ITPR2: variants seen among roughly 807,000 people sequenced by gnomAD.
The protein encoded by ITPR2 is inositol 1,4,5-trisphosphate-gated calcium channel ITPR2.
ITPR2 carries 207 observed loss-of-function variants against 317.1 expected under a neutral mutation model. That is an observed-to-expected ratio of 0.65 (90% CI 0.58 to 0.73). ITPR2 has a LOEUF of 0.73. Among genes scored for constraint, ITPR2 ranks in the 30% least tolerant of loss-of-function variants. The pLI is 0.00. For missense variants in ITPR2, 2,613 were observed against 3,284.0 expected (o/e 0.80, Z 4.99); for synonymous variants, 1,156 against 1,149.1 (o/e 1.01, Z -0.12).
intron 37 of ITPR2, among the ~76,000 whole-genome samples, chr12:26,513,910 C>T (rs1943424603): frequency 2.0e-5 from 3 of 151,676 alleles, no homozygotes; most frequent in African/African-American, 4.8e-5. Context: ...TGATCTCTAA[C>T]ATCCACTTGT....
intron 2 of ITPR2, among the ~76,000 whole-genome samples, chr12:26,780,064 A>C (rs997774251): frequency 2.0e-5 from 3 of 152,162 alleles, no homozygotes; most frequent in Admixed American, 2.0e-4. Flanking sequence ...TTCCCCAGCC[A>C]CCGCTGTCAT....
chr12:26,603,726 G>A (rs1484241467), intron 26 of ITPR2, among the ~76,000 whole-genome samples: 1 of 152,202 alleles, frequency 6.6e-6, no homozygotes, highest in Non-Finnish European at 1.5e-5. Context: ...TGTCTACTTA[G>A]GCATAAAGGA....
chr12:26,828,612 G>C (rs1799303153), intron 1 of ITPR2, among the ~76,000 whole-genome samples: 1 of 152,126 alleles, frequency 6.6e-6, no homozygotes, highest in Non-Finnish European at 1.5e-5. Flanking sequence ...CCTTAATTAA[G>C]CCATTATGAA....
chr12:26,747,036 CA>C (rs1949336970), intron 2 of ITPR2, among the ~76,000 whole-genome samples: 1 of 152,120 alleles, frequency 6.6e-6, no homozygotes, highest in Admixed American at 6.6e-5. Context: ...AGATCAAGGC[CA>C]AACTTTCTGA....
At chr12:26,767,791 ATATT>A (rs1394756754) in intron 2 of ITPR2, among the ~76,000 whole-genome samples, 6 of 152,164 alleles carry the variant, frequency 3.9e-5, no homozygotes, top group Non-Finnish European at 7.4e-5. Flanking sequence ...TTCTTTTTAT[ATATT>A]TGTTTCTTCC....
chr12:26,659,175 T>C lies in ITPR2; in HGVS notation c.1824A>G (p.Lys608=). ...TTTCTATTTCTTTTGCTGTGATATG[T>C]TTCTCTAGTAGTTTTCTGTTGTTGT... The part of the protein sequence containing the change: ...LLHNNRKLLE[K]HITAKEIETF... Residue 608 remains lysine, a synonymous_variant, in exon 16 of 57, where the codon AAA becomes AAG. Coordinates refer to ENST00000381340, the MANE Select transcript of ITPR2 (RefSeq NM_002223.4). 6.2e-7 allele frequency: 1 copy of C among 1,613,642 alleles called. No homozygotes were observed. Among genetic ancestry groups the C allele is most frequent in the Non-Finnish European group, 8.5e-7 (1 of 1,179,678 alleles).
intron 45 of ITPR2, among the ~76,000 whole-genome samples, chr12:26,469,137 C>G (rs965898266): frequency 1.6e-4 from 25 of 152,170 alleles, no homozygotes; most frequent in African/African-American, 6.0e-4. Flanking sequence ...AATGATTTAT[C>G]TCTCTCGCTC....
intron 55 of ITPR2, among the ~76,000 whole-genome samples, chr12:26,363,454 C>G (rs1014558292): frequency 6.6e-6 from 1 of 152,080 alleles, no homozygotes; most frequent in Non-Finnish European, 1.5e-5. Flanking sequence ...CCCACCTCCA[C>G]CCCCTCACCC....
chr12:26,388,426 C>T (rs974939279), intron 54 of ITPR2, among the ~76,000 whole-genome samples: 6 of 152,050 alleles, frequency 3.9e-5, no homozygotes, highest in Non-Finnish European at 5.9e-5. Flanking sequence ...TTTCTCTAAG[C>T]ATTTTTTGTA....
chr12:26,800,912 G>A (rs889064365), intron 1 of ITPR2: 1 of 163,714 alleles, frequency 6.1e-6, no homozygotes, highest in East Asian at 1.9e-4. Flanking sequence ...CCTCCAAGTG[G>A]CAGCTTCCTC....
At chr12:26,456,686 C>T in intron 45 of ITPR2, among the ~76,000 whole-genome samples, 1 of 151,814 alleles carries the variant, frequency 6.6e-6, no homozygotes, top group East Asian at 1.9e-4. Flanking sequence ...AATTTTTTTT[C>T]TTTTAAGACA....
intron 1 of ITPR2, among the ~76,000 whole-genome samples, chr12:26,815,758 A>G (rs1167339545): frequency 6.6e-6 from 1 of 152,342 alleles, no homozygotes; most frequent in East Asian, 1.9e-4. Context: ...AGATAAGGCA[A>G]TATGCCTTTG....
At chr12:26,552,970 C>T (rs771689451) in intron 36 of ITPR2, among the ~76,000 whole-genome samples, 11 of 152,090 alleles carry the variant, frequency 7.2e-5, no homozygotes, top group Non-Finnish European at 1.2e-4. Flanking sequence ...TGAGTTAGGT[C>T]GGTGACTTTC....
intron 37 of ITPR2, among the ~76,000 whole-genome samples, chr12:26,521,699 A>G (rs1409941433): frequency 1.3e-5 from 2 of 152,224 alleles, no homozygotes; most frequent in African/African-American, 2.4e-5. Context: ...CCCATCCCCA[A>G]CAGTAATGGA....
chr12:26,773,406 T>C (rs1949905614), intron 2 of ITPR2, among the ~76,000 whole-genome samples: 1 of 152,228 alleles, frequency 6.6e-6, no homozygotes, highest in South Asian at 2.1e-4. Flanking sequence ...GGAAGATTTT[T>C]ACACATGAGC....
intron 2 of ITPR2, among the ~76,000 whole-genome samples, chr12:26,737,609 G>A (rs1949150034): frequency 6.6e-6 from 1 of 152,062 alleles, no homozygotes. Context: ...AAGGGAAGGA[G>A]TTCATGTTGT....
At chr12:26,602,885 T>A (rs751991328) in intron 26 of ITPR2, among the ~76,000 whole-genome samples, 179 bp from the exon 27 acceptor site, 3 of 152,236 alleles carry the variant, frequency 2.0e-5, no homozygotes, top group Non-Finnish European at 4.4e-5. Flanking sequence ...GACTGAGCCA[T>A]GCAAATTACC....
chr12:26,811,504 G>C (rs1361139272), intron 1 of ITPR2, among the ~76,000 whole-genome samples: 1 of 151,808 alleles, frequency 6.6e-6, no homozygotes, highest in Non-Finnish European at 1.5e-5. Flanking sequence ...CCAGCACTTT[G>C]GGAGGCCGAG....
At chr12:26,695,724 C>T in intron 9 of ITPR2, 74 bp from the exon 10 acceptor site, 3 of 841,920 alleles carry the variant, frequency 3.6e-6, no homozygotes, top group Non-Finnish European at 5.6e-6. Flanking sequence ...ATCTTCAATT[C>T]AATTAATATT....
Sources: gnomAD v4.1 joint callset for allele counts (sites outside exome capture counted in the v4.1 genomes callset) on GRCh38, gnomAD v4.1.1 for gene constraint, MANE v1.5 for transcripts, NCBI Gene and HGNC (gene_info 2026-07-23, HGNC 2026-07-21) for gene names.